The following KIF16B variants were observed in gnomAD, a reference collection of about 807,000 sequenced individuals.
The protein encoded by KIF16B is kinesin-like protein KIF16B.
KIF16B carries 98 observed loss-of-function variants against 156.3 expected under a neutral mutation model. That is an observed-to-expected ratio of 0.63 (90% CI 0.53 to 0.74). The LOEUF (loss-of-function observed/expected upper bound fraction) is 0.74. KIF16B is among the 30% of genes least tolerant of loss of function. The probability of loss-of-function intolerance (pLI) is 0.00; values close to 1 mark genes in which losing one functional copy is unlikely to be tolerated. For synonymous variants in KIF16B, 564 were observed against 583.7 expected, an observed-to-expected ratio of 0.97 and a Z score of 0.49; for missense variants, 1,421 against 1,606.5, an observed-to-expected ratio of 0.88 and a Z score of 1.97.
intron 24 of KIF16B, among the ~76,000 whole-genome samples, chr20:16,326,475 A>G (rs1382538810): frequency 6.6e-6 from 1 of 151,892 alleles, no homozygotes; most frequent in Non-Finnish European, 1.5e-5. Flanking sequence ...AAAAGAAAAA[A>G]AAACCCAAAT....
chr20:16,442,851 G>T (rs1190124210), intron 12 of KIF16B, among the ~76,000 whole-genome samples: 1 of 152,152 alleles, frequency 6.6e-6, no homozygotes, highest in African/African-American at 2.4e-5. Context: ...TGAAGAATGA[G>T]AGGGAGGAAG....
chr20:16,418,398 C>T (rs1477935896), intron 15 of KIF16B, among the ~76,000 whole-genome samples: 1 of 152,060 alleles, frequency 6.6e-6, no homozygotes, highest in Non-Finnish European at 1.5e-5. Context: ...GGACATGACA[C>T]GATAGGAGGT....
chr20:16,471,460 G>A (rs1212007519), intron 12 of KIF16B, among the ~76,000 whole-genome samples: 2 of 152,144 alleles, frequency 1.3e-5, no homozygotes, highest in African/African-American at 2.4e-5. Context: ...ATGGTAATAC[G>A]TGGTAAATGG....
chr20:16,373,258 T>A (rs1392210269), intron 20 of KIF16B, among the ~76,000 whole-genome samples: 3 of 152,230 alleles, frequency 2.0e-5, no homozygotes, highest in Non-Finnish European at 4.4e-5. Context: ...ATTTACAATT[T>A]ATCACCCCTG....
At chr20:16,537,703 C>CTTTTT (rs1568659703) in intron 1 of KIF16B, among the ~76,000 whole-genome samples, 1 of 121,746 alleles carries the variant, frequency 8.2e-6, no homozygotes, top group Non-Finnish European at 1.7e-5. Context: ...TTCTTTTTTT[C>CTTTTT]GTTTTTTTTT....
intron 1 of KIF16B, among the ~76,000 whole-genome samples, chr20:16,558,296 G>A (rs960793696): frequency 2.0e-5 from 3 of 152,228 alleles, no homozygotes; most frequent in Non-Finnish European, 2.9e-5. Context: ...TTACTGGAAC[G>A]TGGCTCCTAG....
At chr20:16,348,586 C>T (rs368820057) in intron 23 of KIF16B, among the ~76,000 whole-genome samples, 11 of 152,236 alleles carry the variant, frequency 7.2e-5, no homozygotes, top group African/African-American at 1.7e-4. Flanking sequence ...GGATGTTCAG[C>T]GAGAGCAGGA....
At chr20:16,282,332 G>A (rs1056553983) in intron 25 of KIF16B, among the ~76,000 whole-genome samples, 14 of 151,928 alleles carry the variant, frequency 9.2e-5, no homozygotes, top group Non-Finnish European at 1.3e-4. Flanking sequence ...CGCGCCTGAC[G>A]GTGCTGGGCA....
intron 12 of KIF16B, among the ~76,000 whole-genome samples, chr20:16,447,370 A>G (rs2066962754): frequency 6.6e-6 from 1 of 151,954 alleles, no homozygotes; most frequent in Admixed American, 6.6e-5. Context: ...ACCTGCCTTC[A>G]ACTCTGCAGA....
chr20:16,393,232 T>A (rs1389858755), intron 17 of KIF16B, among the ~76,000 whole-genome samples: 1 of 152,254 alleles, frequency 6.6e-6, no homozygotes, highest in Non-Finnish European at 1.5e-5. Context: ...GAAAAGATTA[T>A]GAATACTTGT....
chr20:16,323,699 A>G (rs1278996457), intron 24 of KIF16B, among the ~76,000 whole-genome samples: 3 of 151,902 alleles, frequency 2.0e-5, no homozygotes, highest in Non-Finnish European at 2.9e-5. Context: ...AGAGTCTGCA[A>G]CATACTAGAC....
intron 1 of KIF16B, among the ~76,000 whole-genome samples, chr20:16,548,152 A>T (rs765382268): frequency 6.6e-5 from 10 of 152,218 alleles, no homozygotes; most frequent in Non-Finnish European, 1.0e-4. Context: ...AGCCAGTTTC[A>T]GGTCTTCTAT....
chr20:16,322,632 A>G (rs17737952), intron 24 of KIF16B, among the ~76,000 whole-genome samples: 7,414 of 151,966 alleles, frequency 0.049, 224 homozygotes, highest in Non-Finnish European at 0.076. Context: ...TTCATCTATA[A>G]GTTGATTTTT....
intron 20 of KIF16B, among the ~76,000 whole-genome samples, chr20:16,374,026 A>G (rs922981565): frequency 2.0e-5 from 3 of 152,190 alleles, no homozygotes; most frequent in Non-Finnish European, 4.4e-5. Flanking sequence ...TACCTGCAAC[A>G]AGATTCCTTG....
chr20:16,335,208 C>CAA (rs780376712), intron 24 of KIF16B, among the ~76,000 whole-genome samples: 1 of 152,164 alleles, frequency 6.6e-6, no homozygotes, highest in Non-Finnish European at 1.5e-5. Flanking sequence ...CAGTTCAACA[C>CAA]AAAATTCCCA....
intron 23 of KIF16B, among the ~76,000 whole-genome samples, chr20:16,339,466 A>G (rs1390264564): frequency 1.3e-5 from 2 of 152,148 alleles, no homozygotes; most frequent in Non-Finnish European, 1.5e-5. Flanking sequence ...TGGTGACCTC[A>G]TCCCATCTCA....
chr20:16,414,996 A>T (rs1057008022), intron 15 of KIF16B, among the ~76,000 whole-genome samples: 4 of 152,170 alleles, frequency 2.6e-5, no homozygotes, highest in African/African-American at 9.7e-5. Context: ...CTAAGCTGTG[A>T]TGCTCAATAG....
At position 16,371,172 on chromosome 20, in the gene KIF16B, G is replaced by A. The variant is rs115820025; in HGVS notation, c.3447+493C>T. ...CCTGAATTAATACTATTTATAAACT[G>A]TTACACTCTGCCCAAGCAATATTTA... is the stretch of plus-strand genomic sequence containing the variant. On this transcript the variant is annotated intron_variant, in intron 21 of 25. Transcript: ENST00000354981. Among the ~76,000 whole-genome samples, 1,228 of 152,210 alleles carry A rather than the reference G, an allele frequency of 8.1e-3. 22 individuals are homozygous for A. The highest frequency in any genetic ancestry group is 0.028 in the African/African-American group (1,176 of 41,540).
chr20:16,528,445 A>G lies in KIF16B; in HGVS notation c.48-5T>C, dbSNP rs763721305. 3 of 1,590,098 alleles carry G rather than the reference A, an allele frequency of 1.9e-6. No homozygotes were observed. The highest frequency in any genetic ancestry group is 2.6e-6 in the Non-Finnish European group (3 of 1,158,152). On this transcript the variant is annotated splice_region_variant and splice_polypyrimidine_tract_variant and intron_variant, in intron 1 of 25. Transcript: ENST00000354981. ...TTGGCCTCCAAGTCCTTTTCCCTGC[A>G]ATACAAATAATTCAGTAGTGGTTAG...
Sources: allele counts gnomAD v4.1 joint callset (sites outside exome capture counted in the v4.1 genomes callset), GRCh38; gene constraint gnomAD v4.1.1; transcripts MANE v1.5; gene names NCBI Gene and HGNC (gene_info 2026-07-23, HGNC 2026-07-21).